INSYN2B: variants seen among roughly 807,000 people sequenced by gnomAD.
The protein encoded by INSYN2B is protein INSYN2B.
In INSYN2B, 16 loss-of-function variants were observed where a neutral mutation model predicts 41.2. The observed-to-expected ratio is 0.39, with a 90% CI of 0.26 to 0.59. The LOEUF is 0.59. Ranked by LOEUF, INSYN2B falls within the 20% of genes least tolerant of loss-of-function variation. The probability of loss-of-function intolerance (pLI) is 0.57; values close to 1 mark genes in which losing one functional copy is unlikely to be tolerated. For synonymous variants in INSYN2B, 245 were observed against 244.4 expected, an observed-to-expected ratio of 1.00 and a Z score of -0.02; for missense variants, 608 against 646.4, an observed-to-expected ratio of 0.94 and a Z score of 0.64.
chr5:169,959,747 T>C (rs1777006819), intron 1 of INSYN2B, among the ~76,000 whole-genome samples: 1 of 152,214 alleles, frequency 6.6e-6, no homozygotes, highest in South Asian at 2.1e-4. Context: ...ATCCTAGTTA[T>C]TCCACATCCT....
chr5:169,929,168 G>A (rs1775621996), intron 1 of INSYN2B, among the ~76,000 whole-genome samples: 1 of 152,150 alleles, frequency 6.6e-6, no homozygotes, highest in African/African-American at 2.4e-5. Flanking sequence ...GGCATAGCAG[G>A]GGGTTAAAGG....
chr5:169,916,218 C>G (rs1016529246), intron 1 of INSYN2B, among the ~76,000 whole-genome samples: 10 of 152,194 alleles, frequency 6.6e-5, no homozygotes, highest in Non-Finnish European at 1.5e-4. Context: ...CATACGGAAC[C>G]TCTTCTAAAC....
chr5:169,933,920 G>A (rs563713501), intron 1 of INSYN2B, among the ~76,000 whole-genome samples: 2 of 152,288 alleles, frequency 1.3e-5, no homozygotes, highest in African/African-American at 2.4e-5. Flanking sequence ...TACTGGTGTC[G>A]CCATTAATGC....
At chr5:169,952,964 T>C (rs1485029396) in intron 1 of INSYN2B, among the ~76,000 whole-genome samples, 1 of 152,340 alleles carries the variant, frequency 6.6e-6, no homozygotes, top group Admixed American at 6.5e-5. Flanking sequence ...AGGGAAGGCT[T>C]CACTTTGTTA....
intron 1 of INSYN2B, among the ~76,000 whole-genome samples, chr5:169,921,552 C>T (rs566314840): frequency 2.0e-5 from 3 of 152,322 alleles, no homozygotes; most frequent in East Asian, 1.9e-4. Flanking sequence ...TCCTCCTCTT[C>T]GTAGGAATTT....
chr5:169,896,409 C>A (rs537955431), intron 1 of INSYN2B, among the ~76,000 whole-genome samples: 1 of 152,198 alleles, frequency 6.6e-6, no homozygotes, highest in South Asian at 2.1e-4. Flanking sequence ...GCTGGCTCTG[C>A]CATTTTCTGC....
chr5:169,943,038 A>C (rs1776302165), intron 1 of INSYN2B, among the ~76,000 whole-genome samples: 1 of 152,176 alleles, frequency 6.6e-6, no homozygotes, highest in African/African-American at 2.4e-5. Context: ...AAGTATAGGA[A>C]TGTGTTGGGC....
At chr5:169,915,261 A>T (rs1465537368) in intron 1 of INSYN2B, among the ~76,000 whole-genome samples, 1 of 152,230 alleles carries the variant, frequency 6.6e-6, no homozygotes, top group Non-Finnish European at 1.5e-5. Context: ...TATTTGGAGG[A>T]ATAATGCTAA....
chr5:169,869,633 A>G (rs1771820243), intron 3 of INSYN2B, among the ~76,000 whole-genome samples: 1 of 152,204 alleles, frequency 6.6e-6, no homozygotes, highest in African/African-American at 2.4e-5. Context: ...GAGAAGATGC[A>G]TTTCTACTTC....
chr5:169,879,866 A>G (rs1349745006), intron 3 of INSYN2B, among the ~76,000 whole-genome samples: 2 of 152,204 alleles, frequency 1.3e-5, no homozygotes, highest in Admixed American at 6.5e-5. Flanking sequence ...TTTTACTTAT[A>G]TAGGCCAAAT....
chr5:169,894,836 C>A (rs1426409263), intron 1 of INSYN2B, among the ~76,000 whole-genome samples: 4 of 151,944 alleles, frequency 2.6e-5, no homozygotes, highest in African/African-American at 7.3e-5. Flanking sequence ...AGAGTCCATG[C>A]GGGGGTTGTG....
chr5:169,974,152 G>A (rs903567029), intron 1 of INSYN2B, among the ~76,000 whole-genome samples: 2 of 152,088 alleles, frequency 1.3e-5, no homozygotes, highest in African/African-American at 4.8e-5. Flanking sequence ...AGCTGATCTA[G>A]GCAACCTATA....
chr5:169,976,170 A>T (rs1228745027), intron 1 of INSYN2B, among the ~76,000 whole-genome samples: 2 of 152,096 alleles, frequency 1.3e-5, no homozygotes, highest in Non-Finnish European at 2.9e-5. Flanking sequence ...TGCAAGTTCA[A>T]CTCTACCTTC....
chr5:169,906,655 A>G (rs1774298469), intron 1 of INSYN2B, among the ~76,000 whole-genome samples: 1 of 152,066 alleles, frequency 6.6e-6, no homozygotes, highest in African/African-American at 2.4e-5. Flanking sequence ...TGCTGTGACA[A>G]ATTACCTTGA....
At chr5:169,952,234 G>C (rs1280370126) in intron 1 of INSYN2B, among the ~76,000 whole-genome samples, 1 of 152,116 alleles carries the variant, frequency 6.6e-6, no homozygotes, top group African/African-American at 2.4e-5. Context: ...ATGCAGCACT[G>C]GGAAGAGACC....
rs762985568 is a variant in INSYN2B, at chr5:169,882,534, GA to G, written c.1346+18del. 83 of 1,508,728 alleles carry G rather than the reference GA, an allele frequency of 5.5e-5. No homozygotes were observed. The highest frequency in any genetic ancestry group is 3.0e-4 in the Admixed American group (14 of 46,292). The allele number at this position is 1,508,728 out of a possible 1,614,324, so 93.5% of individuals were successfully genotyped here. A position where few individuals can be genotyped will look rare whatever the true frequency, so the allele number is the denominator to read the frequency against. On this transcript the variant is annotated intron_variant, in intron 2 of 3. Coordinates refer to ENST00000377365, the MANE Select transcript of INSYN2B (RefSeq NM_001129891.3). ...GACTTCACCCAGTCATTTTTAATAT[GA>G]AAAAAAAATCTCCTTACCCTTCAGT...
intron 3 of INSYN2B, among the ~76,000 whole-genome samples, chr5:169,880,208 C>T (rs1772559022): frequency 2.0e-5 from 3 of 152,178 alleles, no homozygotes; most frequent in Admixed American, 6.5e-5. Flanking sequence ...TGTGAGCAGT[C>T]CTGACGCTTC....
chr5:169,936,578 CTTTTTTT>C (rs4041977), intron 1 of INSYN2B, among the ~76,000 whole-genome samples: 1 of 122,832 alleles, frequency 8.1e-6, no homozygotes, highest in Non-Finnish European at 1.7e-5. Context: ...TCTCAGACTC[CTTTTTTT>C]TTTTTTTTTT....
intron 1 of INSYN2B, among the ~76,000 whole-genome samples, chr5:169,935,373 A>G (rs1340614574): frequency 1.3e-5 from 2 of 152,158 alleles, no homozygotes; most frequent in Non-Finnish European, 2.9e-5. Context: ...CCATGGAACC[A>G]TCGCAGAGGC....
Sources: allele counts gnomAD v4.1 joint callset (sites outside exome capture counted in the v4.1 genomes callset), GRCh38; gene constraint gnomAD v4.1.1; transcripts MANE v1.5; gene names NCBI Gene and HGNC (gene_info 2026-07-23, HGNC 2026-07-21).